The following MARCKS variants were observed in gnomAD, a reference collection of about 807,000 sequenced individuals.
MARCKS encodes the protein myristoylated alanine rich protein kinase C substrate.
Under a neutral mutation model 6.3 loss-of-function variants are expected in MARCKS, and 4 were observed. The observed-to-expected ratio is 0.63, with a 90% CI of 0.31 to 1.45. MARCKS has a LOEUF of 1.45. Among genes scored for constraint, MARCKS ranks in the 40% most tolerant of loss-of-function variants. The probability of loss-of-function intolerance (pLI) is 0.07; values close to 1 mark genes in which losing one functional copy is unlikely to be tolerated. For missense variants in MARCKS, 636 were observed against 485.7 expected (o/e 1.31, Z -2.91); for synonymous variants, 289 against 236.5 (o/e 1.22, Z -2.04).
Position 113,857,439 on chromosome 6 carries a change from T to C in MARCKS, c.-307T>C. The C allele has an allele frequency of 3.1e-6, 1 of 327,180 alleles. No homozygotes were observed. The highest frequency in any genetic ancestry group is 5.7e-6 in the Non-Finnish European group (1 of 176,186). 20.3% of individuals were successfully genotyped at this position (327,180 alleles called of 1,614,324 possible). On this transcript the variant is annotated 5_prime_UTR_variant, in exon 1 of 2. Transcript: ENST00000612661. ...GTGCGGCTACAAATCTGGGATTTTT[T>C]TATTACTTCTTTTTTTTTCGAACTA...
At position 113,859,987 on chromosome 6, in the gene MARCKS, C is replaced by T; in HGVS notation, c.407C>T (p.Pro136Leu). 1 of 1,554,622 alleles carries T rather than the reference C, an allele frequency of 6.4e-7. No homozygotes were observed. Among genetic ancestry groups the T allele is most frequent in the South Asian group, 1.1e-5 (1 of 87,500 alleles). The stretch of plus-strand genomic sequence containing the variant: ...TCGGCCGCCTCCTCGACTTCTTCGC[C>T]CAAGGCCGAGGACGGGGCCACGCCC... Reference protein sequence around the residue: ...AASAASSTSSPKAEDGATPSP... With the variant: ...AASAASSTSSLKAEDGATPSP... The change falls in exon 2 of 2, where the codon CCC becomes CTC. Residue 136 changes from proline to leucine, a missense_variant. Transcript: ENST00000612661.
Position 113,862,190 on chromosome 6 carries a change from G to T in MARCKS, c.*1611G>T, listed in dbSNP as rs1011038406. 2.6e-5 allele frequency: 4 copies of T among 152,084 alleles called. No homozygotes were observed. Among genetic ancestry groups the T allele is most frequent in the African/African-American group, 7.2e-5 (3 of 41,424 alleles). 9.4% of individuals were successfully genotyped at this position (152,084 alleles called of 1,614,324 possible). On this transcript the variant is annotated 3_prime_UTR_variant, in exon 2 of 2. Coordinates refer to ENST00000612661, the MANE Select transcript of MARCKS (RefSeq NM_002356.7). ...CAGGTCCAGAAACAAATTTTAAACT[G>T]AGTGAGAGTCTATAGAATCCATACT...
At position 113,861,765 on chromosome 6, in the gene MARCKS, G is replaced by A. The variant is rs1215095416; in HGVS notation, c.*1186G>A. ...CTTAAGGTGTTCTAATTTTCTGTGA[G>A]CACACTAAAAGCGAAAAATAAATGT... On this transcript the variant is annotated 3_prime_UTR_variant, in exon 2 of 2. Coordinates refer to ENST00000612661, the MANE Select transcript of MARCKS (RefSeq NM_002356.7). The A allele has an allele frequency of 3.3e-5, 5 of 152,586 alleles. No individual in the cohort carries two copies. The highest frequency in any genetic ancestry group is 9.7e-5 in the African/African-American group (4 of 41,448). 9.5% of individuals were successfully genotyped at this position (152,586 alleles called of 1,614,324 possible).
Position 113,858,173 on chromosome 6 carries a change from TG to T in MARCKS, c.102+331del, listed in dbSNP as rs774264993. Among the ~76,000 whole-genome samples the T allele has an allele frequency of 1.4e-4, 21 of 151,872 alleles. No homozygotes were observed. In the East Asian group the frequency reaches 4.1e-3, roughly 29 times the overall value. Reference sequence around the variant, plus strand: ...CCCCCAGCCAGGTTTCATTTGTGTTTGGGGGCACAATGGTGTTTGGGTGTCT... The same window carrying T: ...CCCCCAGCCAGGTTTCATTTGTGTTTGGGGCACAATGGTGTTTGGGTGTCT... On this transcript the variant is annotated intron_variant, in intron 1 of 1. Transcript: ENST00000612661.
At position 113,860,561 on chromosome 6, in the gene MARCKS, A is replaced by G. The variant is rs750080973; in HGVS notation, c.981A>G (p.Pro327=). 9 of 1,555,406 alleles carry G rather than the reference A, an allele frequency of 5.8e-6. 1 individual carries two copies. The South Asian group carries it at 5.8e-5, about 10-fold the overall frequency. ...AQPECSPEAP[P]AEAAE is the part of the protein sequence containing the mutation. ...CCGAGTGCAGTCCAGAAGCCCCCCC[A>G]GCGGAGGCGGCAGAGTAAAAGAGCA... The change falls in exon 2 of 2, where the codon CCA becomes CCG. Residue 327 remains proline, a synonymous_variant. Coordinates refer to ENST00000612661, the MANE Select transcript of MARCKS (RefSeq NM_002356.7).
At chr6:113,859,538 C>T in intron 1 of MARCKS, 145 bp from the exon 2 acceptor site, 2 of 644,600 alleles carry the variant, frequency 3.1e-6, no homozygotes, top group East Asian at 7.3e-5. Context: ...TCCACCCGCG[C>T]CTCCCTCCCC....
chr6:113,859,079 G>T (rs1429344334), intron 1 of MARCKS, among the ~76,000 whole-genome samples: 1 of 152,066 alleles, frequency 6.6e-6, no homozygotes, highest in Non-Finnish European at 1.5e-5. Flanking sequence ...GCCTGCCTGC[G>T]CCCAACGCGG....
At position 113,859,724 on chromosome 6, in the gene MARCKS, G is replaced by A. The variant is rs970106663; in HGVS notation, c.144G>A (p.Ala48=). The change falls in exon 2 of 2, where the codon GCG becomes GCA. Residue 48 remains alanine, a synonymous_variant. Transcript: ENST00000612661. ...HVKVNGDASP[A]AAESGAKEEL... is the part of the protein sequence containing the mutation. ...AGGTAAACGGCGACGCTTCGCCCGC[G>A]GCCGCCGAGTCGGGCGCCAAGGAGG... The A allele has an allele frequency of 3.3e-6, 5 of 1,502,970 alleles. No homozygotes were observed. Among genetic ancestry groups the A allele is most frequent in the African/African-American group, 1.5e-5 (1 of 68,514 alleles). The allele number at this position is 1,502,970 out of a possible 1,614,324, so 93.1% of individuals were successfully genotyped here.
chr6:113,863,210 C>T lies in MARCKS; in HGVS notation c.*2631C>T, dbSNP rs902377926. ...CTCCAAGTGATTAAATGAAATTTGA[C>T]GTATCTTTTCATCCAAAGTTTTGTA... On this transcript the variant is annotated 3_prime_UTR_variant, in exon 2 of 2. Transcript: ENST00000612661. The T allele has an allele frequency of 1.3e-5, 2 of 152,144 alleles. No individual in the cohort carries two copies. Among genetic ancestry groups the T allele is most frequent in the East Asian group, 1.9e-4 (1 of 5,202 alleles). The allele number at this position is 152,144 out of a possible 1,614,324, so 9.4% of individuals were successfully genotyped here.
chr6:113,858,042 C>G (rs1314339553), intron 1 of MARCKS, among the ~76,000 whole-genome samples, 195 bp downstream of exon 1: 1 of 152,116 alleles, frequency 6.6e-6, no homozygotes, highest in African/African-American at 2.4e-5. Context: ...CCTTAGAATC[C>G]TGGAGAATTC....
Position 113,860,698 on chromosome 6 carries a change from CTTTT to C in MARCKS, c.*123_*126del. 1.5e-6 allele frequency: 1 copy of C among 685,374 alleles called. No homozygotes were observed. Among genetic ancestry groups the C allele is most frequent in the South Asian group, 3.6e-5 (1 of 27,524 alleles). The allele number at this position is 685,374 out of a possible 1,614,324, so 42.5% of individuals were successfully genotyped here. On this transcript the variant is annotated 3_prime_UTR_variant, in exon 2 of 2. Coordinates refer to ENST00000612661, the MANE Select transcript of MARCKS (RefSeq NM_002356.7). ...AACCAGGGATTGATTTTAAAGATGT[CTTTT>C]TTTATTTTACTTTTTTTTAAGCACC...
At chr6:113,858,861 G>A (rs974083472) in intron 1 of MARCKS, among the ~76,000 whole-genome samples, 1 of 152,272 alleles carries the variant, frequency 6.6e-6, no homozygotes, top group African/African-American at 2.4e-5. Context: ...AATCGCAGGG[G>A]AAGGTGGGCG....
rs1328906024 is a variant in MARCKS, at chr6:113,859,929, G to A, written c.349G>A (p.Gly117Ser). 10 of 1,472,592 alleles carry A rather than the reference G, an allele frequency of 6.8e-6. No individual in the cohort carries two copies. In the East Asian group the frequency reaches 1.7e-4, roughly 26 times the overall value. 91.2% of individuals were successfully genotyped at this position (1,472,592 alleles called of 1,614,324 possible). ...APAEGEAAEP[G>S]SPTAAEGEAA... ...CGCGGAAGGCGAGGCTGCCGAGCCC[G>A]GCTCGCCCACGGCCGCGGAGGGAGA... Residue 117 changes from glycine to serine, a missense_variant, in exon 2 of 2, where the codon GGC becomes AGC. Coordinates refer to ENST00000612661, the MANE Select transcript of MARCKS (RefSeq NM_002356.7).
chr6:113,857,782 G>A lies in MARCKS; in HGVS notation c.37G>A (p.Glu13Lys). 1 of 1,609,590 alleles carries A rather than the reference G, an allele frequency of 6.2e-7. No homozygotes were observed. Among genetic ancestry groups the A allele is most frequent in the East Asian group, 2.2e-5 (1 of 44,806 alleles). ...GTTCTCCAAGACCGCAGCGAAGGGA[G>A]AAGCCGCCGCGGAGAGGCCTGGGGA... ...AQFSKTAAKG[E>K]AAAERPGEAA... is the part of the protein sequence containing the mutation. Residue 13 changes from glutamate (E) to lysine (K), a missense_variant, in exon 1 of 2, where the codon GAA becomes AAA. Transcript: ENST00000612661.
In MARCKS at chr6:113,859,931, C is replaced by T. The variant is rs750382884; in HGVS notation, c.351C>T (p.Gly117=). Residue 117 remains glycine (G), a synonymous_variant, in exon 2 of 2, where the codon GGC becomes GGT. Transcript: ENST00000612661. ...APAEGEAAEP[G]SPTAAEGEAA... The stretch of plus-strand genomic sequence containing the variant: ...CGGAAGGCGAGGCTGCCGAGCCCGG[C>T]TCGCCCACGGCCGCGGAGGGAGAGG... 14 of 1,474,264 alleles carry T rather than the reference C, an allele frequency of 9.5e-6. No individual in the cohort carries two copies. The highest frequency in any genetic ancestry group is 4.6e-5 in the Admixed American group (2 of 43,174). The allele number at this position is 1,474,264 out of a possible 1,614,324, so 91.3% of individuals were successfully genotyped here.
At position 113,862,212 on chromosome 6, in the gene MARCKS, T is replaced by C. The variant is rs553174158; in HGVS notation, c.*1633T>C. On this transcript the variant is annotated 3_prime_UTR_variant, in exon 2 of 2. Coordinates refer to ENST00000612661, the MANE Select transcript of MARCKS (RefSeq NM_002356.7). ...ACTGAGTGAGAGTCTATAGAATCCATACTGCAGATGGGTCATGAAATGTGA... is the reference window on the plus strand; with the variant it reads ...ACTGAGTGAGAGTCTATAGAATCCACACTGCAGATGGGTCATGAAATGTGA... The C allele has an allele frequency of 2.0e-5, 3 of 152,118 alleles. No homozygotes were observed. Among genetic ancestry groups the C allele is most frequent in the Non-Finnish European group, 4.4e-5 (3 of 67,948 alleles). 9.4% of individuals were successfully genotyped at this position (152,118 alleles called of 1,614,324 possible).
chr6:113,857,911 T>G, intron 1 of MARCKS, 64 bp downstream of exon 1: 1 of 1,317,880 alleles, frequency 7.6e-7, no homozygotes, highest in East Asian at 2.5e-5. Context: ...TCCTGGTGGC[T>G]CCCAAGGCTC....
intron 1 of MARCKS, 123 bp from the exon 2 acceptor site, chr6:113,859,560 G>A: frequency 1.2e-6 from 1 of 821,614 alleles, no homozygotes; most frequent in Non-Finnish European, 1.7e-6. Flanking sequence ...CAACGGCGGG[G>A]GTGGGGTCTC....
In MARCKS at chr6:113,860,347, A is replaced by G. The variant is rs1774873949; in HGVS notation, c.767A>G (p.Lys256Arg). 3.1e-6 allele frequency: 4 copies of G among 1,291,768 alleles called. No homozygotes were observed. Among genetic ancestry groups the G allele is most frequent in the East Asian group, 5.9e-5 (1 of 16,912 alleles). The allele number at this position is 1,291,768 out of a possible 1,614,324, so 80.0% of individuals were successfully genotyped here. A position where few individuals can be genotyped will look rare whatever the true frequency, so the allele number is the denominator to read the frequency against. ...PEKPPASDET[K>R]AAEEPSKVEE... Reference sequence around the variant, plus strand: ...AAGCCGCCCGCCAGCGACGAGACCAAGGCCGCCGAGGAGCCCAGCAAGGTG... The same window carrying G: ...AAGCCGCCCGCCAGCGACGAGACCAGGGCCGCCGAGGAGCCCAGCAAGGTG... Residue 256 changes from lysine (K) to arginine (R), a missense_variant, in exon 2 of 2, where the codon AAG becomes AGG. Lys to Arg is a conservative substitution (Grantham distance 26). Transcript: ENST00000612661.
Sources: allele counts gnomAD v4.1 joint callset (sites outside exome capture counted in the v4.1 genomes callset), GRCh38; gene constraint gnomAD v4.1.1; transcripts MANE v1.5; gene names NCBI Gene and HGNC (gene_info 2026-07-23, HGNC 2026-07-21).